The following NKIRAS2 variants were observed in gnomAD, a reference collection of about 807,000 sequenced individuals.
The protein encoded by NKIRAS2 is NFKB inhibitor interacting Ras like 2.
NKIRAS2 carries 15 observed loss-of-function variants against 20.7 expected under a neutral mutation model. The ratio of observed to expected loss-of-function variants is 0.73; its 90% CI spans 0.49 to 1.12. The LOEUF is 1.12. NKIRAS2 is among the 50% of genes most tolerant of loss of function. The pLI is 0.00. For synonymous variants in NKIRAS2, 116 were observed against 101.4 expected (o/e 1.14, Z -0.87); for missense variants, 196 against 249.6 (o/e 0.79, Z 1.45).
Position 42,023,797 on chromosome 17 carries a change from C to G in NKIRAS2, c.480C>G (p.Pro160=). 1 of 1,614,128 alleles carries G rather than the reference C, an allele frequency of 6.2e-7. No individual in the cohort carries two copies. The change falls in exon 4 of 4, where the codon CCC becomes CCG. Residue 160 remains proline, a synonymous_variant. Transcript: ENST00000393885. ...CGGACCGGCGCTCCCTCCTGGAGCC[C>G]TTTGTCTACTTGGCCAGCAAGATGA... ...SVADRRSLLE[P]FVYLASKMTQ... is the part of the protein sequence containing the mutation.
chr17:42,018,182 A>G (rs1027192357), upstream of NKIRAS2, among the ~76,000 whole-genome samples: 3 of 152,098 alleles, frequency 2.0e-5, no homozygotes, highest in Admixed American at 2.0e-4. Flanking sequence ...TTGTGTCCCC[A>G]GTACTCCCAC....
intron 2 of NKIRAS2, 55 bp downstream of exon 2, chr17:42,021,726 G>C: frequency 6.7e-7 from 1 of 1,491,850 alleles, no homozygotes; most frequent in Non-Finnish European, 9.4e-7. Flanking sequence ...ATAAGGAATA[G>C]GACTTGATCA....
rs1278099079 is a variant in NKIRAS2, at chr17:42,020,136, G to A, written c.-83G>A. ...CTGGAGGAAGACTGGAGCCTTTGCG[G>A]CGGCGCTGCCCCTCCCCTGGTCCCC... On this transcript the variant is annotated 5_prime_UTR_variant, in exon 1 of 4. Coordinates refer to ENST00000393885, the MANE Select transcript of NKIRAS2 (RefSeq NM_017595.6). 6.6e-6 allele frequency: 1 copy of A among 152,412 alleles called. No homozygotes were observed. Among genetic ancestry groups the A allele is most frequent in the Non-Finnish European group, 1.5e-5 (1 of 68,174 alleles). 9.4% of individuals were successfully genotyped at this position (152,412 alleles called of 1,614,324 possible).
upstream of NKIRAS2, chr17:42,017,610 G>A (rs986857028): frequency 5.9e-6 from 4 of 672,850 alleles, no homozygotes; most frequent in East Asian, 2.8e-5. Flanking sequence ...CGGGGCGGGA[G>A]CCCAGGGGCT....
At position 42,023,745 on chromosome 17, in the gene NKIRAS2, A is replaced by T; in HGVS notation, c.428A>T (p.Lys143Met). 1 of 1,614,132 alleles carries T rather than the reference A, an allele frequency of 6.2e-7. No homozygotes were observed. The highest frequency in any genetic ancestry group is 8.5e-7 in the Non-Finnish European group (1 of 1,180,004). The part of the protein sequence containing the change: ...DVAQHWAKSE[K>M]VKLWEVSVAD... ...GCTCAGCACTGGGCCAAGTCAGAGA[A>T]GGTGAAGCTGTGGGAGGTGTCAGTG... Residue 143 changes from lysine to methionine, a missense_variant, in exon 4 of 4, where the codon AAG becomes ATG. Transcript: ENST00000393885.
In NKIRAS2 at chr17:42,022,491, C is replaced by T. The variant is rs782370487; in HGVS notation, c.187C>T (p.Arg63Trp). The T allele has an allele frequency of 2.0e-5, 33 of 1,613,828 alleles. No homozygotes were observed. Among genetic ancestry groups the T allele is most frequent in the South Asian group, 1.5e-4 (14 of 91,078 alleles). Residue 63 changes from arginine to tryptophan, a missense_variant, in exon 3 of 4, where the codon CGG becomes TGG. Transcript: ENST00000393885. ...VREQVRFYDT[R>W]GLRDGAELPR... ...AGAGCAGGTGCGTTTCTATGACACC[C>T]GGGGGCTCCGAGATGGGGCCGAACT... is the stretch of plus-strand genomic sequence containing the variant.
intron 2 of NKIRAS2, 53 bp from the exon 3 acceptor site, chr17:42,022,346 T>C: frequency 6.5e-7 from 1 of 1,530,750 alleles, no homozygotes; most frequent in African/African-American, 1.4e-5. Flanking sequence ...CTCTCATCAC[T>C]CACATTTCCC....
intron 3 of NKIRAS2, chr17:42,023,207 C>A: frequency 4.1e-6 from 1 of 243,896 alleles, no homozygotes; most frequent in Non-Finnish European, 8.5e-6. Flanking sequence ...TCATGTTGCT[C>A]AGGCTGGTCT....
intron 2 of NKIRAS2, 37 bp from the exon 3 acceptor site, chr17:42,022,362 T>G (rs1308641748): frequency 8.4e-6 from 13 of 1,540,400 alleles, no homozygotes; most frequent in Non-Finnish European, 1.1e-5. Flanking sequence ...TTCCCATCTC[T>G]CTCTCCACTT....
At chr17:42,021,049 T>C (rs2052434748) in intron 1 of NKIRAS2, 1 of 157,508 alleles carries the variant, frequency 6.3e-6, no homozygotes, top group African/African-American at 2.4e-5. Flanking sequence ...ATTATCCTTT[T>C]TATTTGCTCA....
upstream of NKIRAS2, among the ~76,000 whole-genome samples, chr17:42,018,803 A>G (rs899893837): frequency 6.6e-6 from 1 of 152,164 alleles, no homozygotes; most frequent in Non-Finnish European, 1.5e-5. Context: ...TCTCCAACCT[A>G]GACCTTTCTT....
In NKIRAS2 at chr17:42,020,128, C is replaced by G. The variant is rs1311813304; in HGVS notation, c.-91C>G. The G allele has an allele frequency of 6.6e-6, 1 of 152,412 alleles. No individual in the cohort carries two copies. The highest frequency in any genetic ancestry group is 1.5e-5 in the Non-Finnish European group (1 of 68,184). 9.4% of individuals were successfully genotyped at this position (152,412 alleles called of 1,614,324 possible). On this transcript the variant is annotated 5_prime_UTR_variant, in exon 1 of 4. Coordinates refer to ENST00000393885, the MANE Select transcript of NKIRAS2 (RefSeq NM_017595.6). Reference sequence around the variant, plus strand: ...CACCGACTCTGGAGGAAGACTGGAGCCTTTGCGGCGGCGCTGCCCCTCCCC... The same window carrying G: ...CACCGACTCTGGAGGAAGACTGGAGGCTTTGCGGCGGCGCTGCCCCTCCCC...
In NKIRAS2 at chr17:42,022,445, T is replaced by C. The variant is rs1567978758; in HGVS notation, c.141T>C (p.Ile47=). Residue 47 remains isoleucine, a synonymous_variant, in exon 3 of 4, where the codon ATT becomes ATC. Transcript: ENST00000393885. The part of the protein sequence containing the change: ...ETQEDIYVGS[I]ETDRGVREQV... Reference sequence around the variant, plus strand: ...AGGAGGACATCTACGTGGGCTCCATTGAGACAGACCGGGGGGTGCGAGAGC... The same window carrying C: ...AGGAGGACATCTACGTGGGCTCCATCGAGACAGACCGGGGGGTGCGAGAGC... 4.4e-6 allele frequency: 7 copies of C among 1,607,070 alleles called. No individual in the cohort carries two copies. Among genetic ancestry groups the C allele is most frequent in the Non-Finnish European group, 5.1e-6 (6 of 1,174,248 alleles).
chr17:42,021,902 G>A (rs782720177), intron 2 of NKIRAS2: 4 of 713,854 alleles, frequency 5.6e-6, no homozygotes, highest in African/African-American at 5.2e-5. Flanking sequence ...GCTTAGCATG[G>A]AATTAGCATA....
At chr17:42,022,287 T>C (rs35557548) in intron 2 of NKIRAS2, 112 bp from the exon 3 acceptor site, 66,675 of 1,122,652 alleles carry the variant, frequency 0.059, 2,437 homozygotes, top group Non-Finnish European at 0.071. Context: ...TTCTCTGGCC[T>C]CCTCAGCCCC....
chr17:42,018,359 A>T (rs2052363100), upstream of NKIRAS2: 1 of 152,176 alleles, frequency 6.6e-6, no homozygotes, highest in South Asian at 2.1e-4. Context: ...GTTAAATTGG[A>T]GGAGTATGAG....
chr17:42,022,712 C>G, intron 3 of NKIRAS2, 72 bp downstream of exon 3: 1 of 1,536,470 alleles, frequency 6.5e-7, no homozygotes, highest in Non-Finnish European at 8.8e-7. Context: ...TTTGGGAAGC[C>G]TGGCATGGCT....
At chr17:42,019,048 C>T (rs1476454445), upstream of NKIRAS2, among the ~76,000 whole-genome samples, 1 of 152,196 alleles carries the variant, frequency 6.6e-6, no homozygotes, top group Non-Finnish European at 1.5e-5. Context: ...GTTGATTCTC[C>T]TACCAAATAT....
chr17:42,020,554 TG>T (rs1555652829), intron 1 of NKIRAS2: 3 of 152,288 alleles, frequency 2.0e-5, no homozygotes, highest in Non-Finnish European at 1.5e-5. Context: ...TTAGGGTTTC[TG>T]TATCTGAGCT....
Sources: allele counts gnomAD v4.1 joint callset (sites outside exome capture counted in the v4.1 genomes callset), GRCh38; gene constraint gnomAD v4.1.1; transcripts MANE v1.5; gene names NCBI Gene and HGNC (gene_info 2026-07-23, HGNC 2026-07-21).